The following XKR6 variants were observed in gnomAD, a reference collection of about 807,000 sequenced individuals.
The protein encoded by XKR6 is XK related 6.
XKR6 carries 22 observed loss-of-function variants against 56.7 expected under a neutral mutation model. The ratio of observed to expected loss-of-function variants is 0.39; its 90% CI spans 0.28 to 0.55. The LOEUF is 0.55. XKR6 is among the 20% of genes least tolerant of loss of function. XKR6 has a pLI of 0.66. For missense variants in XKR6, 852 were observed against 889.0 expected (o/e 0.96, Z 0.53); for synonymous variants, 524 against 387.8 (o/e 1.35, Z -4.13).
At chr8:11,189,941 G>T (rs1164768125) in intron 1 of XKR6, among the ~76,000 whole-genome samples, 1 of 152,188 alleles carries the variant, frequency 6.6e-6, no homozygotes, top group African/African-American at 2.4e-5. Context: ...CAGATCACCT[G>T]AGGTCAGCAG....
At chr8:10,941,360 C>T (rs1422887546) in intron 1 of XKR6, among the ~76,000 whole-genome samples, 1 of 152,248 alleles carries the variant, frequency 6.6e-6, no homozygotes, top group Non-Finnish European at 1.5e-5. Context: ...TGCAAGGCCT[C>T]CTGCTTCTGC....
chr8:10,985,067 G>C (rs1202628780), intron 1 of XKR6, among the ~76,000 whole-genome samples: 1 of 151,944 alleles, frequency 6.6e-6, no homozygotes, highest in Non-Finnish European at 1.5e-5. Flanking sequence ...AGCCTCCAGA[G>C]TAGCTGGGAT....
intron 1 of XKR6, among the ~76,000 whole-genome samples, chr8:11,196,645 C>T (rs1803907384): frequency 6.6e-6 from 1 of 152,224 alleles, no homozygotes. Flanking sequence ...ATCTAATATT[C>T]CTCTCCAAGT....
intron 1 of XKR6, among the ~76,000 whole-genome samples, chr8:11,121,581 T>C (rs1320774086): frequency 2.0e-5 from 3 of 152,214 alleles, no homozygotes; most frequent in South Asian, 2.1e-4. Context: ...TTTTACACTG[T>C]TGGTGGGACT....
chr8:11,170,307 A>C (rs1802302582), intron 1 of XKR6, among the ~76,000 whole-genome samples: 1 of 152,250 alleles, frequency 6.6e-6, no homozygotes, highest in Non-Finnish European at 1.5e-5. Context: ...AATGTTCCCA[A>C]CTCAAATACT....
chr8:11,182,406 C>T (rs1803037587), intron 1 of XKR6, among the ~76,000 whole-genome samples: 1 of 152,228 alleles, frequency 6.6e-6, no homozygotes, highest in Admixed American at 6.5e-5. Flanking sequence ...CCAGGACTAA[C>T]TTTGTACCTG....
intron 2 of XKR6, among the ~76,000 whole-genome samples, chr8:10,904,085 C>G (rs1219969028): frequency 6.6e-6 from 1 of 152,190 alleles, no homozygotes; most frequent in African/African-American, 2.4e-5. Context: ...GCTTCCAGCT[C>G]CATCACTGAC....
intron 1 of XKR6, among the ~76,000 whole-genome samples, chr8:10,967,373 G>A (rs1802257418): frequency 6.6e-6 from 1 of 152,170 alleles, no homozygotes; most frequent in South Asian, 2.1e-4. Context: ...AAGCCTCAGT[G>A]CCCTCTCTCT....
At chr8:11,178,558 A>ATATATATATG (rs1349675001) in intron 1 of XKR6, among the ~76,000 whole-genome samples, 7 of 140,416 alleles carry the variant, frequency 5.0e-5, no homozygotes, top group African/African-American at 1.0e-4. Context: ...ATATATATAT[A>ATATATATATG]TATATATATA....
At chr8:10,984,732 C>CTCTCTCTCTCTCTATATA in intron 1 of XKR6, among the ~76,000 whole-genome samples, 22 of 47,486 alleles carry the variant, frequency 4.6e-4, no homozygotes, top group South Asian at 8.7e-4. Flanking sequence ...CTCTCTCTCT[C>CTCTCTCTCTCTCTATATA]TATATATATA....
chr8:11,036,028 T>C (rs1217822808), intron 1 of XKR6, among the ~76,000 whole-genome samples: 1 of 143,140 alleles, frequency 7.0e-6, no homozygotes, highest in Non-Finnish European at 1.5e-5. Context: ...ACTGCAGCCC[T>C]GACCTCCTGG....
At chr8:10,960,688 G>A (rs1377245657) in intron 1 of XKR6, among the ~76,000 whole-genome samples, 2 of 152,194 alleles carry the variant, frequency 1.3e-5, no homozygotes, top group African/African-American at 2.4e-5. Flanking sequence ...CGGAGAATCT[G>A]AGAATCAGAA....
At chr8:11,091,203 G>C (rs1156690181) in intron 1 of XKR6, among the ~76,000 whole-genome samples, 1 of 152,172 alleles carries the variant, frequency 6.6e-6, no homozygotes, top group East Asian at 1.9e-4. Context: ...AGACAAGGTG[G>C]GAGGATCGCT....
At position 10,911,321 on chromosome 8, in the gene XKR6, GTATATA is replaced by G. The variant is rs372396079; in HGVS notation, c.962-12411_962-12406del. On this transcript the variant is annotated intron_variant, in intron 2 of 2. Coordinates refer to ENST00000416569, the MANE Select transcript of XKR6 (RefSeq NM_173683.4). ...ATATATGTGTAGAGAGAGAGGGTGAGTATATATATATATATATATGTGTGTGTGTGT... is the reference window on the plus strand; with the variant it reads ...ATATATGTGTAGAGAGAGAGGGTGAGTATATATATATATGTGTGTGTGTGT... 2.6e-3 allele frequency among the ~76,000 whole-genome samples: 337 copies of G among 128,240 alleles called. 1 individual carries two copies. Among genetic ancestry groups the G allele is most frequent in the African/African-American group, 0.01 (323 of 31,970 alleles). The allele number at this position is 128,240 out of a possible 152,430, so 84.1% of individuals were successfully genotyped here. A position where few individuals can be genotyped will look rare whatever the true frequency, so the allele number is the denominator to read the frequency against.
intron 1 of XKR6, among the ~76,000 whole-genome samples, chr8:11,062,119 A>T (rs1431263712): frequency 6.6e-6 from 1 of 152,222 alleles, no homozygotes; most frequent in Non-Finnish European, 1.5e-5. Flanking sequence ...GCAGACAGCA[A>T]ATAATATCCC....
intron 1 of XKR6, among the ~76,000 whole-genome samples, chr8:11,164,462 G>C (rs1271259533): frequency 6.6e-6 from 1 of 152,030 alleles, no homozygotes; most frequent in Non-Finnish European, 1.5e-5. Flanking sequence ...GGTTCCTGTG[G>C]GGAAAATAAA....
intron 1 of XKR6, among the ~76,000 whole-genome samples, chr8:11,043,872 T>C (rs868590029): frequency 6.6e-6 from 1 of 152,220 alleles, no homozygotes; most frequent in East Asian, 1.9e-4. Flanking sequence ...GGTGATAAGA[T>C]ACCCAATTAT....
At chr8:10,956,109 C>T (rs561141231) in intron 1 of XKR6, among the ~76,000 whole-genome samples, 1 of 152,306 alleles carries the variant, frequency 6.6e-6, no homozygotes, top group East Asian at 1.9e-4. Flanking sequence ...GTTTCTCCTG[C>T]CACCTTGCTG....
chr8:11,173,131 C>A (rs7842726), intron 1 of XKR6, among the ~76,000 whole-genome samples: 3,996 of 149,926 alleles, frequency 0.027, 179 homozygotes, highest in African/African-American at 0.093. Context: ...GTCAGGAGAT[C>A]GAGACCATCC....
Sources: allele counts gnomAD v4.1 joint callset (sites outside exome capture counted in the v4.1 genomes callset), GRCh38; gene constraint gnomAD v4.1.1; transcripts MANE v1.5; gene names NCBI Gene and HGNC (gene_info 2026-07-23, HGNC 2026-07-21).